Variants in RNF130 observed in about 807,000 individuals in gnomAD.
RNF130 encodes the protein E3 ubiquitin-protein ligase RNF130.
A neutral mutation model predicts 44.6 loss-of-function variants in RNF130; 21 were observed. The observed-to-expected ratio is 0.47, with a 90% CI of 0.33 to 0.68. RNF130 has a LOEUF of 0.68. Among genes scored for constraint, RNF130 ranks in the 30% least tolerant of loss-of-function variants. RNF130 has a pLI of 0.02. For synonymous variants in RNF130, 214 were observed against 210.4 expected, an observed-to-expected ratio of 1.02 and a Z score of -0.15; for missense variants, 479 against 560.6, an observed-to-expected ratio of 0.85 and a Z score of 1.47.
chr5:179,986,528 C>T (rs1366860670), intron 3 of RNF130, among the ~76,000 whole-genome samples: 1 of 152,172 alleles, frequency 6.6e-6, no homozygotes, highest in East Asian at 1.9e-4. Flanking sequence ...AATGGAGGGA[C>T]GAACTACTCA....
chr5:179,960,226 G>A (rs1762296130), intron 8 of RNF130, among the ~76,000 whole-genome samples: 1 of 152,168 alleles, frequency 6.6e-6, no homozygotes, highest in Non-Finnish European at 1.5e-5. Context: ...AGAAACCGAG[G>A]TGTGAGAAGC....
chr5:180,018,212 T>C (rs185267241), intron 2 of RNF130, among the ~76,000 whole-genome samples: 78 of 151,482 alleles, frequency 5.1e-4, no homozygotes, highest in African/African-American at 1.9e-3. Flanking sequence ...GAAGAATTGC[T>C]TGAACAAGGG....
At chr5:179,993,067 T>C (rs1256509238) in intron 3 of RNF130, among the ~76,000 whole-genome samples, 5 of 152,258 alleles carry the variant, frequency 3.3e-5, no homozygotes, top group African/African-American at 1.2e-4. Context: ...TCCTTTTTTA[T>C]GGCTGCATAG....
At chr5:179,940,379 C>T (rs150786265) in intron 7 of RNF130, among the ~76,000 whole-genome samples, 235 of 152,076 alleles carry the variant, frequency 1.5e-3, no homozygotes, top group African/African-American at 5.4e-3. Context: ...CGGCACCACA[C>T]CCAACTAATT....
chr5:179,971,433 A>T (rs531189414), intron 5 of RNF130, among the ~76,000 whole-genome samples: 21 of 152,196 alleles, frequency 1.4e-4, no homozygotes, highest in Non-Finnish European at 2.8e-4. Flanking sequence ...GCAGTCGTGC[A>T]ATCTCTGCTC....
chr5:180,070,131 G>A (rs1765210724), intron 1 of RNF130, among the ~76,000 whole-genome samples: 1 of 152,180 alleles, frequency 6.6e-6, no homozygotes, highest in African/African-American at 2.4e-5. Context: ...CCAGAAAAGA[G>A]GCTACCATTG....
intron 6 of RNF130, among the ~76,000 whole-genome samples, chr5:179,968,690 A>T (rs895470034): frequency 8.2e-5 from 12 of 145,914 alleles, no homozygotes; most frequent in African/African-American, 3.1e-4. Context: ...AAAAAAAAAG[A>T]GAGAAAGTTT....
intron 5 of RNF130, 66 bp downstream of exon 5, chr5:179,978,137 C>A (rs921289736): frequency 1.5e-6 from 2 of 1,362,514 alleles, no homozygotes; most frequent in African/African-American, 2.9e-5. Flanking sequence ...GAGATGCCCA[C>A]CCTGAAAAGG....
At chr5:180,024,375 G>A (rs1763943511) in intron 2 of RNF130, among the ~76,000 whole-genome samples, 1 of 152,204 alleles carries the variant, frequency 6.6e-6, no homozygotes, top group Admixed American at 6.5e-5. Flanking sequence ...AGGAAACTGG[G>A]TGCAGGGTTT....
At chr5:179,990,622 G>A (rs1050202061) in intron 3 of RNF130, among the ~76,000 whole-genome samples, 10 of 152,122 alleles carry the variant, frequency 6.6e-5, no homozygotes, top group Non-Finnish European at 1.5e-4. Flanking sequence ...GCTAAGTAGC[G>A]GGTACATTTC....
At chr5:179,949,209 C>T (rs1762088944) in intron 7 of RNF130, among the ~76,000 whole-genome samples, 1 of 151,804 alleles carries the variant, frequency 6.6e-6, no homozygotes, top group Admixed American at 6.6e-5. Context: ...AGGTGATCTG[C>T]CTGCCTTGGC....
intron 7 of RNF130, among the ~76,000 whole-genome samples, chr5:179,929,789 C>T (rs565961843): frequency 2.7e-5 from 4 of 147,118 alleles, no homozygotes; most frequent in Non-Finnish European, 6.2e-5. Context: ...AGTTTCAATA[C>T]ACACACCCAC....
chr5:179,982,495 A>G (rs894878797), intron 3 of RNF130, among the ~76,000 whole-genome samples: 1 of 152,134 alleles, frequency 6.6e-6, no homozygotes, highest in African/African-American at 2.4e-5. Flanking sequence ...ATTATTTTAC[A>G]TTTGCAACAG....
chr5:179,957,455 G>A (rs1762235794), intron 8 of RNF130, among the ~76,000 whole-genome samples: 1 of 152,172 alleles, frequency 6.6e-6, no homozygotes, highest in Admixed American at 6.5e-5. Flanking sequence ...CACTGCCAAA[G>A]AGAGCAGAGA....
chr5:179,940,484 G>A (rs550263779), intron 7 of RNF130, among the ~76,000 whole-genome samples: 2 of 152,024 alleles, frequency 1.3e-5, no homozygotes, highest in East Asian at 1.9e-4. Flanking sequence ...TGATCCTCCC[G>A]CTTTGGCCTC....
intron 7 of RNF130, among the ~76,000 whole-genome samples, chr5:179,942,892 G>A (rs1344249362): frequency 6.6e-6 from 1 of 152,192 alleles, no homozygotes; most frequent in Non-Finnish European, 1.5e-5. Flanking sequence ...TGACAGAAGA[G>A]CCTCAAAAAT....
At chr5:180,015,308 T>C (rs764426930) in intron 2 of RNF130, 2 of 530,464 alleles carry the variant, frequency 3.8e-6, no homozygotes, top group Non-Finnish European at 7.8e-6. Context: ...TGGTATAAGA[T>C]ACCAGGTATG....
At chr5:179,933,419 TGTGA>T (rs1186048345) in intron 7 of RNF130, among the ~76,000 whole-genome samples, 3 of 151,928 alleles carry the variant, frequency 2.0e-5, no homozygotes, top group Admixed American at 1.3e-4. Context: ...TGTGTGTGTG[TGTGA>T]GTGTGTGGTA....
intron 3 of RNF130, among the ~76,000 whole-genome samples, chr5:179,997,468 CT>C (rs1417322988): frequency 2.0e-5 from 3 of 151,774 alleles, no homozygotes; most frequent in Non-Finnish European, 4.4e-5. Context: ...GGACTACAGA[CT>C]CCCACCACCA....
Sources: allele counts gnomAD v4.1 joint callset (sites outside exome capture counted in the v4.1 genomes callset), GRCh38; gene constraint gnomAD v4.1.1; transcripts MANE v1.5; gene names NCBI Gene and HGNC (gene_info 2026-07-23, HGNC 2026-07-21).